The following HMCN2 variants were observed in gnomAD, a reference collection of about 807,000 sequenced individuals.
HMCN2 encodes hemicentin-2.
Under a neutral mutation model 377.5 loss-of-function variants are expected in HMCN2, and 325 were observed. The observed-to-expected ratio is 0.86, with a 90% confidence interval of 0.79 to 0.94. The LOEUF is 0.94. Ranked by LOEUF, HMCN2 falls within the 40% of genes least tolerant of loss-of-function variation. HMCN2 has a pLI of 0.00. For synonymous variants in HMCN2, 2,007 were observed against 2,046.8 expected (o/e 0.98, Z 0.53); for missense variants, 4,543 against 4,725.3 (o/e 0.96, Z 1.13).
At chr9:130,419,361 C>T (rs964167225) in intron 86 of HMCN2, 21 of 231,014 alleles carry the variant, frequency 9.1e-5, no homozygotes, top group Admixed American at 2.8e-4. Flanking sequence ...ATCCCCGGTG[C>T]CCTCGGGGGC....
At chr9:130,372,227 G>C in intron 46 of HMCN2, 67 bp from the exon 47 acceptor site, 1 of 504,346 alleles carries the variant, frequency 2.0e-6, no homozygotes, top group Non-Finnish European at 2.6e-6. Context: ...CTGGGCAGCA[G>C]GGGGCTCGGC....
At chr9:130,382,079 G>C (rs1841752746) in intron 54 of HMCN2, 105 bp from the exon 55 acceptor site, 1 of 283,370 alleles carries the variant, frequency 3.5e-6, no homozygotes, top group Non-Finnish European at 5.3e-6. Flanking sequence ...GATGAGGCAG[G>C]GACAGTCACA....
At chr9:130,395,134 CA>C in intron 70 of HMCN2, 26 bp downstream of exon 70, 6 of 906,314 alleles carry the variant, frequency 6.6e-6, no homozygotes, top group African/African-American at 6.8e-5. Flanking sequence ...GGGGTGGGGG[CA>C]GGGCCGGGAG....
intron 56 of HMCN2, 116 bp from the exon 57 acceptor site, chr9:130,383,388 G>A: frequency 3.3e-6 from 1 of 304,678 alleles, no homozygotes; most frequent in Non-Finnish European, 4.8e-6. Flanking sequence ...TCCATGAGCT[G>A]CCTGGTGCCT....
At chr9:130,379,779 T>C (rs564802288) in intron 54 of HMCN2, among the ~76,000 whole-genome samples, 3 of 152,372 alleles carry the variant, frequency 2.0e-5, no homozygotes, top group African/African-American at 7.2e-5. Context: ...ACAAAGCTCA[T>C]GACCCCAAAC....
intron 1 of HMCN2, among the ~76,000 whole-genome samples, chr9:130,282,899 C>A (rs956443685): frequency 1.2e-4 from 19 of 152,048 alleles, no homozygotes. Flanking sequence ...GGCGAAACCC[C>A]GTCTCTACTA....
intron 31 of HMCN2, 60 bp downstream of exon 31, chr9:130,353,265 G>A: frequency 7.9e-7 from 1 of 1,263,948 alleles, no homozygotes; most frequent in South Asian, 1.3e-5. Context: ...AGCCATGGTG[G>A]CCCCTGCCTG....
Position 130,375,984 on chromosome 9 carries a change from T to C in HMCN2, c.7913T>C (p.Val2638Ala). ...GCCGTGAAAAACTACCATGTGGAAG[T>C]GCTCAGTGAGTCGGGGACCCTGGGG... ...GEAVKNYHVEVLIPPSISKDD... is the reference protein window; with the variant it reads ...GEAVKNYHVEALIPPSISKDD... The change falls in exon 51 of 98, where the codon GTG becomes GCG. Residue 2638 changes from valine (V) to alanine (A), a missense_variant. Val to Ala is a moderately conservative substitution (Grantham distance 64, BLOSUM62 0). Coordinates refer to ENST00000683500, the MANE Select transcript of HMCN2 (RefSeq NM_001291815.2). 1 of 985,466 alleles carries C rather than the reference T, an allele frequency of 1.0e-6. No individual in the cohort carries two copies. The highest frequency in any genetic ancestry group is 4.7e-5 in the South Asian group (1 of 21,272). The allele number at this position is 985,466 out of a possible 1,614,324, so 61.0% of individuals were successfully genotyped here.
chr9:130,351,936 C>T lies in HMCN2; in HGVS notation c.4585+359C>T, dbSNP rs978356459. Among the ~76,000 whole-genome samples the T allele has an allele frequency of 6.6e-6, 1 of 152,064 alleles. No homozygotes were observed. The highest frequency in any genetic ancestry group is 2.4e-5 in the African/African-American group (1 of 41,372). On this transcript the variant is annotated intron_variant, in intron 30 of 97. Coordinates refer to ENST00000683500, the MANE Select transcript of HMCN2 (RefSeq NM_001291815.2). This position sits in a 1 kb window ranked among gnomAD's most constrained non-coding sequence, Gnocchi z 5.4. ...AAGTGATTCTCTTGCCTCAGCCTCC[C>T]GAGTAGCTGGGATTACAGGTGCCCA...
chr9:130,318,721 G>A (rs1306830034), intron 15 of HMCN2, among the ~76,000 whole-genome samples: 3 of 152,098 alleles, frequency 2.0e-5, no homozygotes, highest in Middle Eastern at 3.2e-3. Context: ...TTAGCCAGTC[G>A]TCCTGGGGTC....
rs375816516 is a variant in HMCN2 at position 130,367,748 on chromosome 9, C to T, written c.6626-528C>T. On this transcript the variant is annotated intron_variant, in intron 43 of 97. Transcript: ENST00000683500. ...CTGAGGTCAGGAGTTAGAGACCAGCCTAACTAACATGGTGACACCCCGTCT... is the reference window on the plus strand; with the variant it reads ...CTGAGGTCAGGAGTTAGAGACCAGCTTAACTAACATGGTGACACCCCGTCT... 1.3e-4 allele frequency among the ~76,000 whole-genome samples: 20 copies of T among 151,976 alleles called. No individual in the cohort carries two copies. In the East Asian group the frequency reaches 1.7e-3, roughly 13 times the overall value.
intron 65 of HMCN2, among the ~76,000 whole-genome samples, 158 bp from the exon 66 acceptor site, chr9:130,391,777 G>A (rs972945534): frequency 3.3e-5 from 5 of 152,144 alleles, no homozygotes; most frequent in African/African-American, 9.7e-5. Context: ...GTCAGGGAGT[G>A]GCTGTGTCCC....
Position 130,371,727 on chromosome 9 carries a change from G to A in HMCN2, c.7238-567G>A, listed in dbSNP as rs563803216. 5.3e-5 allele frequency among the ~76,000 whole-genome samples: 8 copies of A among 152,338 alleles called. No homozygotes were observed. In the East Asian group the frequency reaches 9.7e-4, roughly 18 times the overall value. On this transcript the variant is annotated intron_variant, in intron 46 of 97. Coordinates refer to ENST00000683500, the MANE Select transcript of HMCN2 (RefSeq NM_001291815.2). The stretch of plus-strand genomic sequence containing the variant: ...TTCTGAGCACTTGGTAAGAATTGCC[G>A]GGTGCATTCTGTGGATAGGAATTCA...
chr9:130,294,655 G>A (rs1347149852), intron 4 of HMCN2, among the ~76,000 whole-genome samples, 200 bp from the exon 5 acceptor site: 1 of 152,182 alleles, frequency 6.6e-6, no homozygotes, highest in Admixed American at 6.5e-5. Flanking sequence ...TGAGTCCTCC[G>A]AATGCCTCAA....
At position 130,396,070 on chromosome 9, in the gene HMCN2, G is replaced by A. The variant is rs1564852509; in HGVS notation, c.11053+5G>A. ...CCTTCCGCGTGGAGATCCACAGTGAGTAGGGCCCGCCCCACCCCACCCTGC... is the reference window on the plus strand; with the variant it reads ...CCTTCCGCGTGGAGATCCACAGTGAATAGGGCCCGCCCCACCCCACCCTGC... On this transcript the variant is annotated splice_donor_5th_base_variant and intron_variant, in intron 72 of 97. Coordinates refer to ENST00000683500, the MANE Select transcript of HMCN2 (RefSeq NM_001291815.2). 3.1e-6 allele frequency: 4 copies of A among 1,274,438 alleles called. No homozygotes were observed. The highest frequency in any genetic ancestry group is 4.1e-6 in the Non-Finnish European group (4 of 980,606). The allele number at this position is 1,274,438 out of a possible 1,614,324, so 78.9% of individuals were successfully genotyped here. A position where few individuals can be genotyped will look rare whatever the true frequency, so the allele number is the denominator to read the frequency against.
At chr9:130,398,752 G>A (rs527300377) in intron 75 of HMCN2, 45 bp downstream of exon 75, 43 of 1,271,862 alleles carry the variant, frequency 3.4e-5, no homozygotes, top group Non-Finnish European at 4.3e-5. Flanking sequence ...CGCACAGGGC[G>A]GGGAGGCACT....
At chr9:130,326,213 T>C (rs912387323) in intron 21 of HMCN2, among the ~76,000 whole-genome samples, 4 of 152,254 alleles carry the variant, frequency 2.6e-5, no homozygotes, top group East Asian at 1.9e-4. Context: ...CTTGTGCACA[T>C]GTAGTTCCTT....
chr9:130,364,982 C>T, intron 41 of HMCN2, 93 bp downstream of exon 41: 1 of 761,596 alleles, frequency 1.3e-6, no homozygotes, highest in Non-Finnish European at 1.6e-6. Flanking sequence ...ACCTGCAAGC[C>T]CCTTTCCCCT....
rs534349214 is a variant in HMCN2, at chr9:130,393,903, A to G, written c.10396A>G (p.Ser3466Gly). Reference protein sequence around the residue: ...LLSQSLEQGPSLQLEAVGAGD... With the variant: ...LLSQSLEQGPGLQLEAVGAGD... ...GTCCCAGAGCCTCGAGCAGGGGCCC[A>G]GCCTGCAGCTGGAGGCAGTGGGAGC... is the stretch of plus-strand genomic sequence containing the variant. Residue 3466 changes from serine to glycine, a missense_variant, in exon 68 of 98, where the codon AGC (serine) becomes GGC (glycine). Transcript: ENST00000683500. The surrounding 1 kb of genome is among the most constrained non-coding windows in gnomAD (Gnocchi z 5.2). The G allele has an allele frequency of 7.8e-7, 1 of 1,289,566 alleles. No individual in the cohort carries two copies. Among genetic ancestry groups the G allele is most frequent in the African/African-American group, 1.5e-5 (1 of 65,952 alleles). The allele number at this position is 1,289,566 out of a possible 1,614,324, so 79.9% of individuals were successfully genotyped here.
Sources: gnomAD v4.1 joint callset for allele counts (sites outside exome capture counted in the v4.1 genomes callset) on GRCh38, gnomAD v4.1.1 for gene constraint, Gnocchi (gnomAD v3.1) non-coding constraint, MANE v1.5 for transcripts, NCBI Gene and HGNC (gene_info 2026-07-23, HGNC 2026-07-21) for gene names.